Variants in TXNL4A observed in about 807,000 individuals in gnomAD.
TXNL4A encodes thioredoxin-like protein 4A.
Under a neutral mutation model 14.6 loss-of-function variants are expected in TXNL4A, and 17 were observed. The ratio of observed to expected loss-of-function variants is 1.16; its 90% CI spans 0.80 to 1.74. TXNL4A has a LOEUF of 1.74. TXNL4A is among the 40% of genes most tolerant of loss of function. TXNL4A has a pLI of 0.00. For synonymous variants in TXNL4A, 83 were observed against 70.6 expected, an observed-to-expected ratio of 1.18 and a Z score of -0.88; for missense variants, 74 against 195.2, an observed-to-expected ratio of 0.38 and a Z score of 3.70.
chr18:79,994,838 T>A (rs1398930437), intron 1 of TXNL4A: 1 of 152,078 alleles, frequency 6.6e-6, no homozygotes, highest in African/African-American at 2.4e-5. Context: ...ACCAGACCTC[T>A]CCCGTCCTTT....
intron 1 of TXNL4A, among the ~76,000 whole-genome samples, chr18:80,020,168 T>TA (rs1216740959): frequency 2.0e-5 from 3 of 152,238 alleles, no homozygotes; most frequent in Non-Finnish European, 2.9e-5. Flanking sequence ...ACCATCCACG[T>TA]AAGATGTGAC....
chr18:79,975,442 G>C (rs1264600769), intron 2 of TXNL4A, among the ~76,000 whole-genome samples: 1 of 152,206 alleles, frequency 6.6e-6, no homozygotes, highest in Non-Finnish European at 1.5e-5. Flanking sequence ...ACTACACTAA[G>C]TAGGCTGCTC....
chr18:79,974,965 C>T (rs181150499), intron 2 of TXNL4A, among the ~76,000 whole-genome samples: 258 of 152,230 alleles, frequency 1.7e-3, no homozygotes, highest in African/African-American at 5.6e-3. Flanking sequence ...AAGTATTCCC[C>T]GTGAAGTCTC....
chr18:79,978,831 T>C (rs1439602812), intron 1 of TXNL4A, among the ~76,000 whole-genome samples: 2 of 151,502 alleles, frequency 1.3e-5, no homozygotes, highest in African/African-American at 4.9e-5. Flanking sequence ...CTTATAGATA[T>C]ATATTTTTTA....
intron 2 of TXNL4A, among the ~76,000 whole-genome samples, chr18:79,975,326 A>G (rs1273645589): frequency 1.3e-5 from 2 of 152,248 alleles, no homozygotes; most frequent in African/African-American, 2.4e-5. Flanking sequence ...TGTTTGGTGC[A>G]TAAGTTAACT....
intron 1 of TXNL4A, among the ~76,000 whole-genome samples, chr18:80,015,204 C>T (rs2145119321): frequency 6.7e-6 from 1 of 149,890 alleles, no homozygotes; most frequent in South Asian, 2.1e-4. Context: ...TAACATTTGG[C>T]TCCTTGTTAC....
intron 2 of TXNL4A, among the ~76,000 whole-genome samples, chr18:79,974,947 TC>T (rs1183820501): frequency 6.6e-6 from 1 of 152,122 alleles, no homozygotes; most frequent in African/African-American, 2.4e-5. Flanking sequence ...CACCTACTAT[TC>T]CGTAGAAAGT....
At chr18:79,985,935 G>T (rs1418624218) in intron 1 of TXNL4A, 1 of 152,086 alleles carries the variant, frequency 6.6e-6, no homozygotes, top group African/African-American at 2.4e-5. Context: ...AAAAATTTCT[G>T]TTGAGCTTCT....
chr18:79,983,857 G>A (rs2051501591), intron 1 of TXNL4A, among the ~76,000 whole-genome samples: 1 of 152,162 alleles, frequency 6.6e-6, no homozygotes, highest in South Asian at 2.1e-4. Context: ...CTTTTTACAG[G>A]TAAGATGACC....
At chr18:80,005,351 A>T (rs1299332502) in intron 1 of TXNL4A, among the ~76,000 whole-genome samples, 1 of 152,244 alleles carries the variant, frequency 6.6e-6, no homozygotes, top group Non-Finnish European at 1.5e-5. Context: ...CCCCCAGGTG[A>T]CAGCCATTGA....
chr18:80,015,173 T>C (rs10853394), intron 1 of TXNL4A, among the ~76,000 whole-genome samples: 71,878 of 149,124 alleles, frequency 0.48, 17,715 homozygotes, highest in East Asian at 0.75. Flanking sequence ...CTGGAGACAT[T>C]TTCCCCATTG....
At chr18:80,002,709 T>C (rs2051705586) in intron 1 of TXNL4A, among the ~76,000 whole-genome samples, 1 of 152,202 alleles carries the variant, frequency 6.6e-6, no homozygotes, top group South Asian at 2.1e-4. Context: ...GAAAACCACA[T>C]GATTATTCCA....
chr18:79,999,620 C>T (rs998760656), intron 1 of TXNL4A, among the ~76,000 whole-genome samples: 7 of 151,616 alleles, frequency 4.6e-5, no homozygotes, highest in Admixed American at 2.6e-4. Flanking sequence ...AATTAAACAC[C>T]ACAGAAGTTC....
intron 1 of TXNL4A, among the ~76,000 whole-genome samples, chr18:80,005,324 T>TG (rs985374261): frequency 2.0e-5 from 3 of 152,192 alleles, no homozygotes; most frequent in Non-Finnish European, 2.9e-5. Flanking sequence ...CAAGCTCCCC[T>TG]GGGGGGAGAA....
intron 1 of TXNL4A, among the ~76,000 whole-genome samples, chr18:79,994,622 T>G (rs2145097757): frequency 6.6e-6 from 1 of 151,810 alleles, no homozygotes; most frequent in African/African-American, 2.4e-5. Context: ...CTCTAATCGT[T>G]TATCTCTCTT....
intron 1 of TXNL4A, among the ~76,000 whole-genome samples, chr18:80,012,036 C>G (rs2051773471): frequency 6.6e-6 from 1 of 152,136 alleles, no homozygotes; most frequent in African/African-American, 2.4e-5. Flanking sequence ...TTAGGTGGAG[C>G]TAAAGAGCTC....
At chr18:79,977,116 C>T (rs1216678228) in intron 2 of TXNL4A, among the ~76,000 whole-genome samples, 1 of 152,054 alleles carries the variant, frequency 6.6e-6, no homozygotes, top group Non-Finnish European at 1.5e-5. Context: ...TGCACCACCA[C>T]GCCCGGCTAA....
chr18:80,027,201 T>C (rs2051890342), intron 1 of TXNL4A, among the ~76,000 whole-genome samples: 2 of 151,980 alleles, frequency 1.3e-5, no homozygotes, highest in African/African-American at 4.8e-5. Context: ...CAGTTTTGTC[T>C]CCGATATTGT....
At chr18:80,021,504 A>G (rs1203364183) in intron 1 of TXNL4A, among the ~76,000 whole-genome samples, 1 of 152,136 alleles carries the variant, frequency 6.6e-6, no homozygotes, top group African/African-American at 2.4e-5. Flanking sequence ...TAAAGCAAAC[A>G]AGTATTGGGA....
Sources: allele counts gnomAD v4.1 joint callset (sites outside exome capture counted in the v4.1 genomes callset), GRCh38; gene constraint gnomAD v4.1.1; transcripts MANE v1.5; gene names NCBI Gene and HGNC (gene_info 2026-07-23, HGNC 2026-07-21).